DOCK7: variants seen among roughly 807,000 people sequenced by gnomAD.
DOCK7 encodes dedicator of cytokinesis 7.
In DOCK7, 138 loss-of-function variants were observed where a neutral mutation model predicts 271.0. That is an observed-to-expected ratio of 0.51 (90% CI 0.44 to 0.59). The LOEUF is 0.59. DOCK7 is among the 20% of genes least tolerant of loss of function. The probability of loss-of-function intolerance (pLI) is 0.00; values close to 1 mark genes in which losing one functional copy is unlikely to be tolerated. For missense variants in DOCK7, 2,066 were observed against 2,592.4 expected (o/e 0.80, Z 4.41); for synonymous variants, 823 against 876.1 (o/e 0.94, Z 1.07).
chr1:62,636,632 T>C, intron 7 of DOCK7, 29 bp from the exon 8 acceptor site: 3 of 1,527,894 alleles, frequency 2.0e-6, no homozygotes, highest in Non-Finnish European at 2.7e-6. Flanking sequence ...TAAAATAATT[T>C]AAAGATAAAC....
At chr1:62,630,129 T>C (rs758229078) in intron 11 of DOCK7, among the ~76,000 whole-genome samples, 3 of 151,768 alleles carry the variant, frequency 2.0e-5, no homozygotes, top group Admixed American at 6.6e-5. Flanking sequence ...AACCTGGGAG[T>C]GGCCAAACTT....
At chr1:62,579,695 G>C (rs1296559692) in intron 16 of DOCK7, among the ~76,000 whole-genome samples, 1 of 63,908 alleles carries the variant, frequency 1.6e-5, no homozygotes. Flanking sequence ...GAGTGAGACC[G>C]AAAAAAAAAA....
At chr1:62,548,153 A>T (rs1645773341) in intron 22 of DOCK7, among the ~76,000 whole-genome samples, 1 of 151,760 alleles carries the variant, frequency 6.6e-6, no homozygotes, top group Non-Finnish European at 1.5e-5. Flanking sequence ...ATAAACACTA[A>T]AAAAAAATCA....
At chr1:62,537,264 G>A (rs997220935) in intron 28 of DOCK7, among the ~76,000 whole-genome samples, 2 of 152,130 alleles carry the variant, frequency 1.3e-5, no homozygotes, top group Admixed American at 6.5e-5. Context: ...TTAAGTCTAT[G>A]AAAGGAATAT....
intron 19 of DOCK7, 40 bp downstream of exon 19, chr1:62,561,577 A>T: frequency 7.6e-7 from 1 of 1,308,782 alleles, no homozygotes; most frequent in Non-Finnish European, 1.0e-6. Flanking sequence ...CGTTCAATTT[A>T]TTTAAGTGAA....
chr1:62,637,525 C>T (rs531284443), intron 7 of DOCK7, among the ~76,000 whole-genome samples: 4 of 152,258 alleles, frequency 2.6e-5, no homozygotes, highest in East Asian at 1.9e-4. Context: ...GAACATCCTA[C>T]GCTGTACAGG....
At position 62,519,527 on chromosome 1, in the gene DOCK7, T is replaced by C. The variant is rs1001764072; in HGVS notation, c.3937-5629A>G. On this transcript the variant is annotated intron_variant, in intron 31 of 49. Coordinates refer to ENST00000635253, the MANE Select transcript of DOCK7 (RefSeq NM_001367561.1). ...AATAGCTCAAAGGCCTAAGAAGAAA[T>C]CATAATGAACTTCAGAGTCATTCTG... 4.6e-5 allele frequency among the ~76,000 whole-genome samples: 7 copies of C among 152,214 alleles called. No homozygotes were observed. The East Asian group carries it at 1.4e-3, about 29-fold the overall frequency.
chr1:62,561,219 T>C (rs1241315906), intron 19 of DOCK7, among the ~76,000 whole-genome samples: 1 of 152,172 alleles, frequency 6.6e-6, no homozygotes, highest in Non-Finnish European at 1.5e-5. Context: ...GTATAAAACC[T>C]ATCAGAACTT....
Position 62,457,416 on chromosome 1 carries a change from A to G in DOCK7, c.6380+122T>C, listed in dbSNP as rs1463865052. 7 of 1,000,232 alleles carry G rather than the reference A, an allele frequency of 7.0e-6. No homozygotes were observed. The African/African-American group carries it at 8.2e-5, about 12-fold the overall frequency. 62.0% of individuals were successfully genotyped at this position (1,000,232 alleles called of 1,614,324 possible). On this transcript the variant is annotated intron_variant, in intron 49 of 49. Coordinates refer to ENST00000635253, the MANE Select transcript of DOCK7 (RefSeq NM_001367561.1). The stretch of plus-strand genomic sequence containing the variant: ...CGAATATTCCAAAATCTGAAACCCC[A>G]AACACTTCTGGTCCTAAGCTTTTCG...
intron 14 of DOCK7, among the ~76,000 whole-genome samples, chr1:62,596,798 C>T (rs1649319681): frequency 6.6e-6 from 1 of 152,132 alleles, no homozygotes; most frequent in African/African-American, 2.4e-5. Context: ...TAGATGACCA[C>T]ATATCCATTG....
chr1:62,675,156 T>C (rs1660409594), intron 1 of DOCK7, among the ~76,000 whole-genome samples: 2 of 152,216 alleles, frequency 1.3e-5, no homozygotes, highest in East Asian at 3.9e-4. Flanking sequence ...GGTGCATGCA[T>C]GTAATCCTAG....
At chr1:62,648,729 T>C (rs1343527907) in intron 4 of DOCK7, among the ~76,000 whole-genome samples, 185 bp from the exon 5 acceptor site, 1 of 151,966 alleles carries the variant, frequency 6.6e-6, no homozygotes, top group Non-Finnish European at 1.5e-5. Context: ...AGCTAAGGAG[T>C]AGAGTATGAG....
intron 18 of DOCK7, 24 bp downstream of exon 18, chr1:62,577,237 GA>G: frequency 7.3e-7 from 1 of 1,366,698 alleles, no homozygotes; most frequent in East Asian, 2.5e-5. Flanking sequence ...TCAATCTGGA[GA>G]AAGTCAACAT....
chr1:62,566,282 C>G (rs1038277077), intron 18 of DOCK7, among the ~76,000 whole-genome samples: 1 of 152,142 alleles, frequency 6.6e-6, no homozygotes, highest in African/African-American at 2.4e-5. Flanking sequence ...CATCACACTA[C>G]CTGACTTCAA....
At position 62,555,931 on chromosome 1, in the gene DOCK7, TTTG is replaced by T; in HGVS notation, c.2487_2489del (p.His829_Lys830delinsGln). 1 of 1,613,922 alleles carries T rather than the reference TTTG, an allele frequency of 6.2e-7. No homozygotes were observed. The highest frequency in any genetic ancestry group is 8.5e-7 in the Non-Finnish European group (1 of 1,179,928). ...GCTGGTCATGATTTCCTTCCAAGTT[TTTG>T]TGAAGTCGATTTATAATTGATGCCA... On this transcript the variant is annotated inframe_deletion, in exon 21 of 50. Coordinates refer to ENST00000635253, the MANE Select transcript of DOCK7 (RefSeq NM_001367561.1).
In DOCK7 at chr1:62,529,304, T is replaced by C; in HGVS notation, c.3754A>G (p.Thr1252Ala). 1 of 1,611,068 alleles carries C rather than the reference T, an allele frequency of 6.2e-7. No individual in the cohort carries two copies. Among genetic ancestry groups the C allele is most frequent in the Non-Finnish European group, 8.5e-7 (1 of 1,179,176 alleles). Residue 1252 changes from threonine to alanine, a missense_variant, in exon 30 of 50, where the codon ACT becomes GCT. Coordinates refer to ENST00000635253, the MANE Select transcript of DOCK7 (RefSeq NM_001367561.1). Reference sequence around the variant, plus strand: ...GTAAAATCATACAGCTGAGGTACAGTTTCCATGATAATACCAATCAGAGGT... The same window carrying C: ...GTAAAATCATACAGCTGAGGTACAGCTTCCATGATAATACCAATCAGAGGT... ...YLPLIGIIME[T>A]VPQLYDFTET...
At chr1:62,580,552 T>C (rs1311375932) in intron 16 of DOCK7, among the ~76,000 whole-genome samples, 1 of 152,214 alleles carries the variant, frequency 6.6e-6, no homozygotes, top group Non-Finnish European at 1.5e-5. Flanking sequence ...CTAAAAATCA[T>C]GTAATGTGAA....
At chr1:62,616,951 CTA>C in intron 14 of DOCK7, among the ~76,000 whole-genome samples, 1 of 151,466 alleles carries the variant, frequency 6.6e-6, no homozygotes, top group South Asian at 2.1e-4. Flanking sequence ...CCTGGCAAAA[CTA>C]TTAATTTGAG....
At chr1:62,620,808 C>T (rs1413427125) in intron 12 of DOCK7, among the ~76,000 whole-genome samples, 1 of 140,670 alleles carries the variant, frequency 7.1e-6, no homozygotes, top group Non-Finnish European at 1.5e-5. Flanking sequence ...GGCGTGAACT[C>T]GGGAGGCGGA....
Sources: allele counts gnomAD v4.1 joint callset (sites outside exome capture counted in the v4.1 genomes callset), GRCh38; gene constraint gnomAD v4.1.1; transcripts MANE v1.5; gene names NCBI Gene and HGNC (gene_info 2026-07-23, HGNC 2026-07-21).